KCNIP3: variants seen among roughly 807,000 people sequenced by gnomAD.
KCNIP3 encodes the protein potassium voltage-gated channel interacting protein 3, also known as calsenilin.
In KCNIP3, 28 loss-of-function variants were observed where a neutral mutation model predicts 35.0. The ratio of observed to expected loss-of-function variants is 0.80; its 90% CI spans 0.59 to 1.10. The LOEUF (loss-of-function observed/expected upper bound fraction) is 1.10, where lower values mean the gene tolerates loss of function less well. Among genes scored for constraint, KCNIP3 ranks in the 50% least tolerant of loss-of-function variants. KCNIP3 has a pLI of 0.00. For synonymous variants in KCNIP3, 134 were observed against 133.8 expected, an observed-to-expected ratio of 1.00 and a Z score of -0.01; for missense variants, 295 against 338.4, an observed-to-expected ratio of 0.87 and a Z score of 1.01.
chr2:95,328,221 C>G (rs1169840099), intron 2 of KCNIP3, among the ~76,000 whole-genome samples: 2 of 152,282 alleles, frequency 1.3e-5, no homozygotes, highest in East Asian at 1.9e-4. Flanking sequence ...CACTCTCCCC[C>G]CTCCCCCGGC....
At chr2:95,341,542 AG>A (rs1334693408) in intron 2 of KCNIP3, among the ~76,000 whole-genome samples, 3 of 152,180 alleles carry the variant, frequency 2.0e-5, no homozygotes, top group African/African-American at 7.2e-5. Flanking sequence ...CCAGAAACAA[AG>A]TCCCTCTTGC....
chr2:95,304,887 A>G (rs1405356027), intron 1 of KCNIP3, among the ~76,000 whole-genome samples: 1 of 152,068 alleles, frequency 6.6e-6, no homozygotes, highest in Non-Finnish European at 1.5e-5. Context: ...CAGGAGCTAC[A>G]GATCTCGGCC....
chr2:95,384,207 G>T lies in KCNIP3; in HGVS notation c.*158G>T. The T allele has an allele frequency of 3.0e-6, 1 of 333,740 alleles. No homozygotes were observed. The highest frequency in any genetic ancestry group is 4.6e-5 in the East Asian group (1 of 21,768). 20.7% of individuals were successfully genotyped at this position (333,740 alleles called of 1,614,324 possible). A position where few individuals can be genotyped will look rare whatever the true frequency, so the allele number is the denominator to read the frequency against. On this transcript the variant is annotated 3_prime_UTR_variant, in exon 9 of 9. Transcript: ENST00000295225. Reference sequence around the variant, plus strand: ...ACACACACACACACACACACACACAGCCATTCATCTGGGCTGGCAGAGGGG... The same window carrying T: ...ACACACACACACACACACACACACATCCATTCATCTGGGCTGGCAGAGGGG...
rs754112198 is a variant in KCNIP3 at position 95,310,399 on chromosome 2, G to T, written c.60G>T (p.Gly20=). The change falls in exon 2 of 9, where the codon GGG becomes GGT. Residue 20 remains glycine, a synonymous_variant. Coordinates refer to ENST00000295225, the MANE Select transcript of KCNIP3 (RefSeq NM_013434.5). The part of the protein sequence containing the change: ...ASDGSLLGDL[G]HTPLSKKEGI... ...ACGGCAGCCTCCTGGGGGACCTCGG[G>T]CACACACCACTTAGCAAGAAGGAGG... 2 of 1,613,454 alleles carry T rather than the reference G, an allele frequency of 1.2e-6. No homozygotes were observed. Among genetic ancestry groups the T allele is most frequent in the Non-Finnish European group, 1.7e-6 (2 of 1,179,652 alleles).
intron 5 of KCNIP3, among the ~76,000 whole-genome samples, chr2:95,380,661 A>G (rs958405961): frequency 6.6e-6 from 1 of 152,224 alleles, no homozygotes; most frequent in African/African-American, 2.4e-5. Flanking sequence ...TATTAGTAGT[A>G]AAGTTTCCCA....
chr2:95,362,236 A>G (rs1679815960), intron 2 of KCNIP3, among the ~76,000 whole-genome samples: 1 of 151,614 alleles, frequency 6.6e-6, no homozygotes, highest in African/African-American at 2.4e-5. Context: ...CCTCCCGAGT[A>G]GCTGGGATTA....
chr2:95,371,363 T>G (rs1260301942), intron 2 of KCNIP3, among the ~76,000 whole-genome samples: 1 of 152,258 alleles, frequency 6.6e-6, no homozygotes, highest in Non-Finnish European at 1.5e-5. Context: ...TAATTAGAAA[T>G]GTATTGTTTA....
chr2:95,357,909 T>C (rs1679696377), intron 2 of KCNIP3, among the ~76,000 whole-genome samples: 2 of 152,294 alleles, frequency 1.3e-5, no homozygotes, highest in African/African-American at 4.8e-5. Context: ...CTTCTGTGTG[T>C]GTCAGGCACA....
chr2:95,381,566 G>A, intron 5 of KCNIP3, 30 bp from the exon 6 acceptor site: 1 of 1,517,572 alleles, frequency 6.6e-7, no homozygotes, highest in African/African-American at 1.4e-5. Flanking sequence ...TTGATTGGAT[G>A]TCACGCCCCA....
At chr2:95,372,370 A>C (rs1453007523) in intron 2 of KCNIP3, among the ~76,000 whole-genome samples, 4 of 152,238 alleles carry the variant, frequency 2.6e-5, no homozygotes, top group Admixed American at 2.6e-4. Context: ...TGCTGTGAGC[A>C]TCCTTGTGCA....
chr2:95,324,446 G>A (rs1414462922), intron 2 of KCNIP3, among the ~76,000 whole-genome samples: 5 of 151,482 alleles, frequency 3.3e-5, no homozygotes, highest in African/African-American at 7.3e-5. Flanking sequence ...CCCAGGAGGC[G>A]GAGCTTGCAG....
chr2:95,340,835 T>C (rs1201085873), intron 2 of KCNIP3, among the ~76,000 whole-genome samples: 2 of 152,252 alleles, frequency 1.3e-5, no homozygotes, highest in Non-Finnish European at 1.5e-5. Context: ...TTCTTGCTGA[T>C]ACCACTGCAT....
chr2:95,369,676 G>A (rs1333344370), intron 2 of KCNIP3, among the ~76,000 whole-genome samples: 1 of 151,570 alleles, frequency 6.6e-6, no homozygotes, highest in Non-Finnish European at 1.5e-5. Context: ...TGCTGCCCAG[G>A]CTGAAGTGCA....
At chr2:95,316,004 GTC>G (rs1042663632) in intron 2 of KCNIP3, among the ~76,000 whole-genome samples, 2 of 152,204 alleles carry the variant, frequency 1.3e-5, no homozygotes, top group Non-Finnish European at 2.9e-5. Context: ...CACCTACTCT[GTC>G]TCTCTGTCTC....
intron 2 of KCNIP3, among the ~76,000 whole-genome samples, chr2:95,366,773 A>G (rs1454372169): frequency 2.0e-5 from 3 of 152,164 alleles, no homozygotes; most frequent in Non-Finnish European, 4.4e-5. Flanking sequence ...CATTTCCTTA[A>G]TGGAAAATGA....
chr2:95,361,243 C>T (rs1288537223), intron 2 of KCNIP3, among the ~76,000 whole-genome samples: 1 of 152,172 alleles, frequency 6.6e-6, no homozygotes, highest in African/African-American at 2.4e-5. Context: ...TGGTGGATGA[C>T]ACCAGCAGTC....
At chr2:95,341,240 C>T (rs1679186938) in intron 2 of KCNIP3, among the ~76,000 whole-genome samples, 1 of 152,086 alleles carries the variant, frequency 6.6e-6, no homozygotes, top group South Asian at 2.1e-4. Context: ...GTGTGTGGCA[C>T]CTCCCCCCTC....
intron 2 of KCNIP3, among the ~76,000 whole-genome samples, chr2:95,342,473 A>G (rs1016190960): frequency 2.0e-5 from 3 of 152,246 alleles, no homozygotes; most frequent in African/African-American, 7.2e-5. Flanking sequence ...TGCATTAGTT[A>G]GGACCCTGTT....
At chr2:95,380,857 T>C (rs1206216266) in intron 5 of KCNIP3, among the ~76,000 whole-genome samples, 2 of 152,062 alleles carry the variant, frequency 1.3e-5, no homozygotes, top group Non-Finnish European at 2.9e-5. Context: ...TCTATAAGTA[T>C]AAAATAAATT....
Sources: gnomAD v4.1 joint callset for allele counts (sites outside exome capture counted in the v4.1 genomes callset) on GRCh38, gnomAD v4.1.1 for gene constraint, MANE v1.5 for transcripts, NCBI Gene and HGNC (gene_info 2026-07-23, HGNC 2026-07-21) for gene names.